The following IQCH variants were observed in gnomAD, a reference collection of about 807,000 sequenced individuals.
IQCH encodes IQ domain-containing protein H.
A neutral mutation model predicts 117.0 loss-of-function variants in IQCH; 98 were observed. The observed-to-expected ratio is 0.84, with a 90% CI of 0.71 to 0.99. The LOEUF (loss-of-function observed/expected upper bound fraction) is 0.99, where lower values mean the gene tolerates loss of function less well. Ranked by LOEUF, IQCH falls within the 50% of genes least tolerant of loss-of-function variation. The pLI is 0.00. For missense variants in IQCH, 1,102 were observed against 1,243.8 expected, an observed-to-expected ratio of 0.89 and a Z score of 1.72; for synonymous variants, 412 against 448.2, an observed-to-expected ratio of 0.92 and a Z score of 1.02.
chr15:67,319,560 G>A (rs753201388), intron 4 of IQCH, among the ~76,000 whole-genome samples: 2 of 152,182 alleles, frequency 1.3e-5, no homozygotes, highest in Non-Finnish European at 2.9e-5. Flanking sequence ...TAGACCAGGT[G>A]AAACTGTTTT....
At position 67,481,509 on chromosome 15, in the gene IQCH, T is replaced by G. The variant is rs1263374567; in HGVS notation, c.2799+5691T>G. Among the ~76,000 whole-genome samples the G allele has an allele frequency of 2.0e-5, 3 of 152,160 alleles. No individual in the cohort carries two copies. Among genetic ancestry groups the G allele is most frequent in the Non-Finnish European group, 2.9e-5 (2 of 68,040 alleles). The stretch of plus-strand genomic sequence containing the variant: ...TTCCTCCCATGACACGTGGGGATTA[T>G]GAGAACTACATTAAAAATAAAATTT... On this transcript the variant is annotated intron_variant, in intron 18 of 20. Transcript: ENST00000335894. This position sits in a 1 kb window ranked among gnomAD's most constrained non-coding sequence, Gnocchi z 4.1.
intron 8 of IQCH, among the ~76,000 whole-genome samples, chr15:67,361,049 C>T (rs183110449): frequency 3.3e-5 from 5 of 152,338 alleles, no homozygotes; most frequent in Admixed American, 2.0e-4. Context: ...AAGCATCTTT[C>T]GTACCCACTG....
In IQCH at chr15:67,405,108, T is replaced by C. The variant is rs1971834385; in HGVS notation, c.2097+4803T>C. 1 of 152,226 alleles carries C rather than the reference T, an allele frequency of 6.6e-6. No homozygotes were observed. Among genetic ancestry groups the C allele is most frequent in the Non-Finnish European group, 1.5e-5 (1 of 68,036 alleles). The allele number at this position is 152,226 out of a possible 1,614,324, so 9.4% of individuals were successfully genotyped here. A position where few individuals can be genotyped will look rare whatever the true frequency, so the allele number is the denominator to read the frequency against. Reference sequence around the variant, plus strand: ...ATTACTAGCAAGGGATATTCTTTTTTCATGTCCTTATTATTTGTGTTTTAT... The same window carrying C: ...ATTACTAGCAAGGGATATTCTTTTTCCATGTCCTTATTATTTGTGTTTTAT... On this transcript the variant is annotated intron_variant, in intron 14 of 20. Transcript: ENST00000335894. This position sits in a 1 kb window ranked among gnomAD's most constrained non-coding sequence, Gnocchi z 4.8.
intron 10 of IQCH, among the ~76,000 whole-genome samples, chr15:67,380,878 T>TC (rs1400286559): frequency 1.3e-5 from 2 of 152,172 alleles, no homozygotes. Flanking sequence ...ATGACTACCA[T>TC]CCCAGGCTAG....
At chr15:67,338,324 C>T (rs1189389945) in intron 5 of IQCH, among the ~76,000 whole-genome samples, 24 of 152,048 alleles carry the variant, frequency 1.6e-4, no homozygotes. Flanking sequence ...TTGGCAACTT[C>T]ATCCAGAAAA....
At chr15:67,339,845 T>G (rs1969062822) in intron 5 of IQCH, among the ~76,000 whole-genome samples, 1 of 152,208 alleles carries the variant, frequency 6.6e-6, no homozygotes, top group Non-Finnish European at 1.5e-5. Context: ...TTGGAAGTTT[T>G]TGTAGAGAAT....
chr15:67,326,217 T>G (rs1968402091), intron 4 of IQCH, among the ~76,000 whole-genome samples: 1 of 152,136 alleles, frequency 6.6e-6, no homozygotes, highest in African/African-American at 2.4e-5. Flanking sequence ...ACATGTGGTG[T>G]TTGGTTTTTT....
Position 67,403,309 on chromosome 15 carries a change from G to C in IQCH, c.2097+3004G>C, listed in dbSNP as rs1971746300. ...TGTAATTTGGAACCAGAGTTATCTG[G>C]CTGGTTATAGTTGAGAATTAAAATA... On this transcript the variant is annotated intron_variant, in intron 14 of 20. Transcript: ENST00000335894. The surrounding 1 kb of genome is among the most constrained non-coding windows in gnomAD (Gnocchi z 4.8). 6.6e-6 allele frequency among the ~76,000 whole-genome samples: 1 copy of C among 152,004 alleles called. No individual in the cohort carries two copies. Among genetic ancestry groups the C allele is most frequent in the Admixed American group, 6.6e-5 (1 of 15,266 alleles).
At chr15:67,371,442 T>C in intron 8 of IQCH, 1 of 1,463,802 alleles carries the variant, frequency 6.8e-7, no homozygotes, top group Non-Finnish European at 9.0e-7. Flanking sequence ...GTGATCCTAA[T>C]CCACCTGGGA....
rs769561598 is a variant in IQCH, at chr15:67,395,422, C to CGATA, written c.1765_1768dup (p.Met590ArgfsTer11). The CGATA allele has an allele frequency of 1.6e-5, 26 of 1,613,968 alleles. No homozygotes were observed. The highest frequency in any genetic ancestry group is 1.4e-5 in the Non-Finnish European group (17 of 1,179,948). ...TCCACAGAGATGATTTAGCTGTGGC[C>CGATA]GATATGTTAGACATACCCATCCTGG... On this transcript the variant is annotated frameshift_variant, in exon 13 of 21. Coordinates refer to ENST00000335894, the MANE Select transcript of IQCH (RefSeq NM_001031715.3). LOFTEE classifies it high-confidence loss of function. The surrounding 1 kb of genome is among the most constrained non-coding windows in gnomAD (Gnocchi z 4.0).
rs1232175784 is a variant in IQCH at position 67,384,917 on chromosome 15, C to T, written c.1373-19C>T. On this transcript the variant is annotated intron_variant, in intron 10 of 20. Coordinates refer to ENST00000335894, the MANE Select transcript of IQCH (RefSeq NM_001031715.3). The surrounding 1 kb of genome is among the most constrained non-coding windows in gnomAD (Gnocchi z 4.3). ...TCGACTTGCTCTTTCTGTGTTTTGA[C>T]ACCTTGTTTGCCTTTTAGGGTATTC... 3.3e-6 allele frequency: 5 copies of T among 1,519,032 alleles called. No individual in the cohort carries two copies. The highest frequency in any genetic ancestry group is 4.6e-6 in the Non-Finnish European group (5 of 1,094,312). 94.1% of individuals were successfully genotyped at this position (1,519,032 alleles called of 1,614,324 possible).
At chr15:67,497,237 G>A (rs1384521272) in intron 20 of IQCH, among the ~76,000 whole-genome samples, 1 of 151,584 alleles carries the variant, frequency 6.6e-6, no homozygotes, top group Non-Finnish European at 1.5e-5. Flanking sequence ...AGGCTGAGAT[G>A]GGCGGATGGC....
At chr15:67,311,137 T>C (rs563063869) in intron 4 of IQCH, among the ~76,000 whole-genome samples, 32 of 152,048 alleles carry the variant, frequency 2.1e-4, no homozygotes, top group African/African-American at 7.5e-4. Flanking sequence ...GCAAGGGGAG[T>C]CAGGATTCAA....
intron 3 of IQCH, among the ~76,000 whole-genome samples, chr15:67,278,503 A>C (rs1027274765): frequency 7.9e-5 from 12 of 152,230 alleles, no homozygotes; most frequent in Non-Finnish European, 1.6e-4. Flanking sequence ...TGCTCCCTGC[A>C]AGCTGTGATG....
chr15:67,279,963 C>T (rs1966283791), intron 4 of IQCH, among the ~76,000 whole-genome samples: 1 of 151,812 alleles, frequency 6.6e-6, no homozygotes. Context: ...TTTCAGTGAG[C>T]CGAGATTGTG....
intron 18 of IQCH, among the ~76,000 whole-genome samples, chr15:67,477,044 C>CTTTTTTTTTTTTTT (rs71455553): frequency 2.0e-4 from 14 of 71,146 alleles, no homozygotes; most frequent in African/African-American, 2.9e-4. Flanking sequence ...TCTTTTTCTT[C>CTTTTTTTTTTTTTT]TTTTTTTTTT....
chr15:67,377,566 A>G (rs927864884), intron 10 of IQCH, among the ~76,000 whole-genome samples: 5 of 152,160 alleles, frequency 3.3e-5, no homozygotes, highest in Non-Finnish European at 1.5e-5. Flanking sequence ...TCCACTTTTA[A>G]TTTAACCCCT....
chr15:67,334,374 C>G (rs570061117), intron 4 of IQCH, among the ~76,000 whole-genome samples: 28 of 152,206 alleles, frequency 1.8e-4, no homozygotes, highest in African/African-American at 6.5e-4. Context: ...ATCCTACCCT[C>G]CTTCTCATAC....
intron 3 of IQCH, among the ~76,000 whole-genome samples, chr15:67,274,887 G>C (rs1966058284): frequency 6.6e-6 from 1 of 152,090 alleles, no homozygotes; most frequent in Non-Finnish European, 1.5e-5. Flanking sequence ...GGCAACTTAA[G>C]CCCGGATTTG....
Sources: allele counts gnomAD v4.1 joint callset (sites outside exome capture counted in the v4.1 genomes callset), GRCh38; gene constraint gnomAD v4.1.1; non-coding constraint Gnocchi (gnomAD v3.1); transcripts MANE v1.5; gene names NCBI Gene and HGNC (gene_info 2026-07-23, HGNC 2026-07-21).